SNX13: variants seen among roughly 807,000 people sequenced by gnomAD.
SNX13 encodes the protein sorting nexin-13.
Under a neutral mutation model 133.6 loss-of-function variants are expected in SNX13, and 45 were observed. The ratio of observed to expected loss-of-function variants is 0.34; its 90% CI spans 0.27 to 0.43. The LOEUF (loss-of-function observed/expected upper bound fraction) is 0.43. Ranked by LOEUF, SNX13 falls within the 20% of genes least tolerant of loss-of-function variation. SNX13 has a pLI of 1.00. For synonymous variants in SNX13, 414 were observed against 373.9 expected (o/e 1.11, Z -1.24); for missense variants, 1,032 against 1,145.1 (o/e 0.90, Z 1.43).
At chr7:17,870,058 CA>C (rs1479646482) in intron 8 of SNX13, among the ~76,000 whole-genome samples, 1 of 152,146 alleles carries the variant, frequency 6.6e-6, no homozygotes, top group African/African-American at 2.4e-5. Context: ...AAGGGCTAGT[CA>C]TATGACTCAA....
chr7:17,917,130 AC>A (rs1372245108), intron 1 of SNX13, among the ~76,000 whole-genome samples: 2 of 152,150 alleles, frequency 1.3e-5, no homozygotes, highest in Admixed American at 6.6e-5. Context: ...TCAAGATAAA[AC>A]CCTTCACAAA....
At chr7:17,815,031 A>T (rs1372254417) in intron 19 of SNX13, 87 bp from the exon 20 acceptor site, 1 of 1,273,870 alleles carries the variant, frequency 7.9e-7, no homozygotes, top group Non-Finnish European at 1.0e-6. Context: ...TAGCTCATAA[A>T]TTTTAAGAAT....
In SNX13 at chr7:17,834,055, C is replaced by T; in HGVS notation, c.1594G>A (p.Gly532Arg). The T allele has an allele frequency of 6.4e-7, 1 of 1,558,878 alleles. No individual in the cohort carries two copies. The highest frequency in any genetic ancestry group is 8.7e-7 in the Non-Finnish European group (1 of 1,146,722). ...PSFRGSDDGDGESFNGSPTGS... is the reference protein window; with the variant it reads ...PSFRGSDDGDRESFNGSPTGS... ...TGTAAAATGGGTGCCACCTTACCTC[C>T]ATCCCCATCATCGGATCCTCTGAAA... Residue 532 changes from glycine (G) to arginine (R), a missense_variant, in exon 15 of 26, where the codon GGA (glycine) becomes AGA (arginine). Transcript: ENST00000428135.
rs182142900 is a variant in SNX13, at chr7:17,865,976, T to C, written c.837+2431A>G. On this transcript the variant is annotated intron_variant, in intron 9 of 25. Coordinates refer to ENST00000428135, the MANE Select transcript of SNX13 (RefSeq NM_015132.5). ...AACTAGACCCCTATCTCTCAGCATA[T>C]AGAAAAACCAATTTAAAATGGATTA... Among the ~76,000 whole-genome samples, 893 of 152,206 alleles carry C rather than the reference T, an allele frequency of 5.9e-3. 8 individuals are homozygous for C. The highest frequency in any genetic ancestry group is 8.4e-3 in the Non-Finnish European group (573 of 68,020).
intron 9 of SNX13, among the ~76,000 whole-genome samples, chr7:17,863,722 G>T (rs1234497424): frequency 6.6e-6 from 1 of 152,192 alleles, no homozygotes; most frequent in East Asian, 1.9e-4. Context: ...GTACTGTGCT[G>T]CTCTGCAAGG....
At chr7:17,927,595 A>G (rs1418767731) in intron 1 of SNX13, among the ~76,000 whole-genome samples, 1 of 152,172 alleles carries the variant, frequency 6.6e-6, no homozygotes, top group African/African-American at 2.4e-5. Context: ...TTCCTATTCC[A>G]TAAATACTCT....
chr7:17,897,248 AATC>A, intron 2 of SNX13, 83 bp downstream of exon 2: 1 of 676,836 alleles, frequency 1.5e-6, no homozygotes. Flanking sequence ...TTCACAAATA[AATC>A]ATACTCCCGT....
intron 5 of SNX13, among the ~76,000 whole-genome samples, chr7:17,885,475 T>C (rs1378429536): frequency 2.6e-5 from 4 of 152,314 alleles, no homozygotes; most frequent in East Asian, 1.9e-4. Flanking sequence ...GTGAACTGTA[T>C]AGTTTGTGAA....
chr7:17,796,938 C>A lies in SNX13; in HGVS notation c.2515G>T (p.Asp839Tyr). 1 of 1,593,962 alleles carries A rather than the reference C, an allele frequency of 6.3e-7. No homozygotes were observed. Among genetic ancestry groups the A allele is most frequent in the Non-Finnish European group, 8.6e-7 (1 of 1,163,074 alleles). The change falls in exon 25 of 26, where the codon GAT (aspartate) becomes TAT (tyrosine). Residue 839 changes from aspartate to tyrosine, a missense_variant and splice_region_variant. Physicochemically the swap from Asp to Tyr is radical, Grantham distance 160. Transcript: ENST00000428135. ...QVADSVKRFR[D>Y]AFWPNGILAE... ...AAAATGCCATTTGGCCAAAATGCAT[C>A]TCTATTTGAGAAGATTAAATACATT...
chr7:17,849,309 T>C (rs1011963681), intron 11 of SNX13, among the ~76,000 whole-genome samples: 5 of 152,174 alleles, frequency 3.3e-5, no homozygotes, highest in African/African-American at 1.2e-4. Flanking sequence ...TCACCCCATA[T>C]TCACTCCATT....
At chr7:17,805,509 G>A (rs1289590616) in intron 20 of SNX13, among the ~76,000 whole-genome samples, 3 of 152,106 alleles carry the variant, frequency 2.0e-5, no homozygotes. Context: ...TTGCTAATAA[G>A]CTAAAATGTT....
intron 15 of SNX13, among the ~76,000 whole-genome samples, chr7:17,833,364 A>C (rs1264190967): frequency 1.3e-5 from 2 of 151,732 alleles, no homozygotes; most frequent in African/African-American, 4.8e-5. Flanking sequence ...GACTAACGTA[A>C]GATATTATGA....
chr7:17,796,877 C>A lies in SNX13; in HGVS notation c.2576G>T (p.Arg859Leu), dbSNP rs369004312. 2 of 1,611,194 alleles carry A rather than the reference C, an allele frequency of 1.2e-6. No individual in the cohort carries two copies. Among genetic ancestry groups the A allele is most frequent in the Non-Finnish European group, 8.5e-7 (1 of 1,178,142 alleles). Residue 859 changes from arginine (R) to leucine (L), a missense_variant, in exon 25 of 26, where the codon CGA (arginine) becomes CTA (leucine). Coordinates refer to ENST00000428135, the MANE Select transcript of SNX13 (RefSeq NM_015132.5). ...TTTTCCTGCTACTCTTGTTCTCATT[C>A]GAATACTTTTATCTCTGCATGGAAC... The part of the protein sequence containing the change: ...EAVPCRDKSI[R>L]MRTRVAGKTK...
chr7:17,877,599 GTTTA>G (rs953553266), intron 5 of SNX13, among the ~76,000 whole-genome samples: 1 of 151,978 alleles, frequency 6.6e-6, no homozygotes, highest in African/African-American at 2.4e-5. Context: ...CTACAATGCT[GTTTA>G]TTTAATTTAC....
chr7:17,919,981 A>C (rs1283703282), intron 1 of SNX13, among the ~76,000 whole-genome samples: 2 of 152,112 alleles, frequency 1.3e-5, no homozygotes, highest in East Asian at 3.9e-4. Flanking sequence ...AAATTAATTA[A>C]ATTAATGAAT....
chr7:17,862,250 G>A (rs1468946698), intron 9 of SNX13, among the ~76,000 whole-genome samples: 2 of 152,114 alleles, frequency 1.3e-5, no homozygotes, highest in African/African-American at 4.8e-5. Context: ...TTTTGGACCA[G>A]AGTTAATAAT....
intron 17 of SNX13, among the ~76,000 whole-genome samples, chr7:17,822,225 C>T (rs192060113): frequency 6.6e-6 from 1 of 151,888 alleles, no homozygotes; most frequent in Admixed American, 6.6e-5. Flanking sequence ...AGCATTTTCG[C>T]ATTACTTTGC....
At chr7:17,866,415 A>G (rs1469021866) in intron 9 of SNX13, among the ~76,000 whole-genome samples, 1 of 152,208 alleles carries the variant, frequency 6.6e-6, no homozygotes, top group Non-Finnish European at 1.5e-5. Context: ...TTATCATCAT[A>G]GAAATACAAA....
chr7:17,807,489 A>G (rs987022166), intron 20 of SNX13, among the ~76,000 whole-genome samples: 1 of 152,134 alleles, frequency 6.6e-6, no homozygotes, highest in South Asian at 2.1e-4. Context: ...ATAAAACTCC[A>G]ATCTCCCTGG....
Sources: gnomAD v4.1 joint callset for allele counts (sites outside exome capture counted in the v4.1 genomes callset) on GRCh38, gnomAD v4.1.1 for gene constraint, MANE v1.5 for transcripts, NCBI Gene and HGNC (gene_info 2026-07-23, HGNC 2026-07-21) for gene names.